CORO2B: variants seen among roughly 807,000 people sequenced by gnomAD.
The protein encoded by CORO2B is coronin 2B.
In CORO2B, 26 loss-of-function variants were observed where a neutral mutation model predicts 58.8. The ratio of observed to expected loss-of-function variants is 0.44; its 90% CI spans 0.32 to 0.61. The LOEUF is 0.61. Ranked by LOEUF, CORO2B falls within the 20% of genes least tolerant of loss-of-function variation. The pLI, the probability that CORO2B is intolerant of heterozygous loss-of-function variation, is 0.04. For missense variants in CORO2B, 460 were observed against 645.1 expected (o/e 0.71, Z 3.11); for synonymous variants, 242 against 253.8 (o/e 0.95, Z 0.44).
chr15:68,594,236 T>C (rs1476908146), intron 1 of CORO2B, among the ~76,000 whole-genome samples: 1 of 152,196 alleles, frequency 6.6e-6, no homozygotes, highest in African/African-American at 2.4e-5. Flanking sequence ...CCATAGGTGG[T>C]GCCTGTCTGT....
At chr15:68,724,727 A>G (rs1374469845) in intron 11 of CORO2B, among the ~76,000 whole-genome samples, 3 of 152,222 alleles carry the variant, frequency 2.0e-5, no homozygotes, top group Non-Finnish European at 4.4e-5. Flanking sequence ...AAATTATGCA[A>G]TTACAATAAC....
At chr15:68,583,504 C>A (rs1490072521) in intron 1 of CORO2B, among the ~76,000 whole-genome samples, 1 of 152,192 alleles carries the variant, frequency 6.6e-6, no homozygotes, top group African/African-American at 2.4e-5. Flanking sequence ...TCCACTTACC[C>A]CACTGCATCG....
the CORO2B span, among the ~76,000 whole-genome samples, chr15:68,563,109 A>G: frequency 2.6e-5 from 4 of 152,080 alleles, no homozygotes; most frequent in Non-Finnish European, 5.9e-5. Context: ...TCTCAAATCA[A>G]TTACCTCACT....
chr15:68,725,233 G>T (rs975728543), intron 11 of CORO2B, among the ~76,000 whole-genome samples: 2 of 152,058 alleles, frequency 1.3e-5, no homozygotes, highest in Non-Finnish European at 2.9e-5. Flanking sequence ...TCCAGGCATG[G>T]TGGCACATGC....
chr15:68,579,531 A>ACTGCATTTTTAACCCTTGTTTGGGATG, intron 1 of CORO2B, among the ~76,000 whole-genome samples: 1 of 152,154 alleles, frequency 6.6e-6, no homozygotes, highest in South Asian at 2.1e-4. Flanking sequence ...CAACCCCGGG[A>ACTGCATTTTTAACCCTTGTTTGGGATG]CTGCATTTTT....
rs113662812 is a variant in CORO2B, at chr15:68,718,039, C to G, written c.968-659C>G. Among the ~76,000 whole-genome samples, 51 of 152,272 alleles carry G rather than the reference C, an allele frequency of 3.3e-4. 1 individual carries two copies. In the South Asian group the frequency reaches 0.01, roughly 31 times the overall value. ...GGGGGCAGAGTGAGGACTCAAACCC[C>G]GTTGGTCCACCCCTAGATAGAGCTG... On this transcript the variant is annotated intron_variant, in intron 8 of 11. Coordinates refer to ENST00000261861, the MANE Select transcript of CORO2B (RefSeq NM_006091.5).
At chr15:68,534,868 G>A in the CORO2B span, among the ~76,000 whole-genome samples, 1 of 152,210 alleles carries the variant, frequency 6.6e-6, no homozygotes, top group East Asian at 1.9e-4. Flanking sequence ...CACATCTTAT[G>A]TGGCAGCAGA....
At chr15:68,666,244 G>A (rs1256563614) in intron 2 of CORO2B, among the ~76,000 whole-genome samples, 1 of 152,158 alleles carries the variant, frequency 6.6e-6, no homozygotes, top group Non-Finnish European at 1.5e-5. Flanking sequence ...ATAAAACCTG[G>A]CACATGGCAA....
chr15:68,687,279 GTTCT>G (rs1472912075), intron 2 of CORO2B, among the ~76,000 whole-genome samples: 1 of 152,252 alleles, frequency 6.6e-6, no homozygotes, highest in Non-Finnish European at 1.5e-5. Flanking sequence ...TGCTCAGTCT[GTTCT>G]TTCTGCCTCG....
At chr15:68,669,436 A>G (rs1902312202) in intron 2 of CORO2B, among the ~76,000 whole-genome samples, 1 of 152,144 alleles carries the variant, frequency 6.6e-6, no homozygotes, top group Non-Finnish European at 1.5e-5. Flanking sequence ...GGCTGTGAAG[A>G]GTGTGGTCAG....
At chr15:68,531,555 G>GGAAGGAAGGAAA in the CORO2B span, among the ~76,000 whole-genome samples, 4 of 77,798 alleles carry the variant, frequency 5.1e-5, no homozygotes, top group African/African-American at 1.6e-4. Flanking sequence ...AAGGAAGGAA[G>GGAAGGAAGGAAA]GAAAGAAAGA....
chr15:68,589,748 A>G (rs1899653311), intron 1 of CORO2B, among the ~76,000 whole-genome samples: 1 of 152,246 alleles, frequency 6.6e-6, no homozygotes, highest in South Asian at 2.1e-4. Flanking sequence ...GGAGACTTTG[A>G]GAACTTAACC....
At chr15:68,678,621 C>T (rs1902666902) in intron 2 of CORO2B, among the ~76,000 whole-genome samples, 1 of 152,146 alleles carries the variant, frequency 6.6e-6, no homozygotes. Flanking sequence ...TTGCAGTGAG[C>T]TGAGATTGTG....
the CORO2B span, among the ~76,000 whole-genome samples, chr15:68,555,243 G>A: frequency 6.4e-4 from 98 of 152,304 alleles, no homozygotes; most frequent in East Asian, 3.9e-3. Flanking sequence ...TGGCCCTGCC[G>A]TCTTGTCCCC....
In CORO2B at chr15:68,726,049, G is replaced by A; in HGVS notation, c.*75G>A. On this transcript the variant is annotated 3_prime_UTR_variant, in exon 12 of 12. Transcript: ENST00000261861. ...ATCCCTTAACTTCTCCCTTACCAGTGACCCCAGAGACAGAGCCAGGACAGG... is the reference window on the plus strand; with the variant it reads ...ATCCCTTAACTTCTCCCTTACCAGTAACCCCAGAGACAGAGCCAGGACAGG... 6.3e-7 allele frequency: 1 copy of A among 1,577,282 alleles called. No individual in the cohort carries two copies. The highest frequency in any genetic ancestry group is 8.6e-7 in the Non-Finnish European group (1 of 1,166,244).
chr15:68,531,527 G>A, the CORO2B span, among the ~76,000 whole-genome samples: 4 of 121,488 alleles, frequency 3.3e-5, no homozygotes, highest in African/African-American at 9.3e-5. Flanking sequence ...AAGGAAGGAA[G>A]GAAGGAAGGA....
intron 1 of CORO2B, chr15:68,641,724 AT>A: frequency 3.0e-6 from 1 of 331,974 alleles, no homozygotes; most frequent in Non-Finnish European, 4.3e-6. Context: ...AGCCACCTTT[AT>A]TTTTTATTTA....
At chr15:68,704,696 C>T (rs377347567) in intron 3 of CORO2B, among the ~76,000 whole-genome samples, 20 of 152,128 alleles carry the variant, frequency 1.3e-4, no homozygotes, top group African/African-American at 4.1e-4. Flanking sequence ...GCCGTTCCCC[C>T]GTATCTAATC....
At chr15:68,531,016 G>A in the CORO2B span, among the ~76,000 whole-genome samples, 2 of 151,550 alleles carry the variant, frequency 1.3e-5, no homozygotes, top group Admixed American at 1.3e-4. Context: ...TATTTTCAGG[G>A]GTTGCTCTGT....
Sources: gnomAD v4.1 joint callset for allele counts (sites outside exome capture counted in the v4.1 genomes callset) on GRCh38, gnomAD v4.1.1 for gene constraint, MANE v1.5 for transcripts, NCBI Gene and HGNC (gene_info 2026-07-23, HGNC 2026-07-21) for gene names.